The following DENND5B variants were observed in gnomAD, a reference collection of about 807,000 sequenced individuals.
DENND5B encodes the protein DENN domain-containing protein 5B.
DENND5B carries 34 observed loss-of-function variants against 140.6 expected under a neutral mutation model. The observed-to-expected ratio is 0.24, with a 90% CI of 0.18 to 0.32. The LOEUF is 0.32. Among genes scored for constraint, DENND5B ranks in the 10% least tolerant of loss-of-function variants. DENND5B has a pLI of 1.00. For synonymous variants in DENND5B, 551 were observed against 562.1 expected, an observed-to-expected ratio of 0.98 and a Z score of 0.28; for missense variants, 1,142 against 1,560.2, an observed-to-expected ratio of 0.73 and a Z score of 4.52.
intron 9 of DENND5B, 58 bp downstream of exon 9, chr12:31,426,234 GC>G (rs1223728987): frequency 8.5e-6 from 13 of 1,526,540 alleles, no homozygotes; most frequent in Non-Finnish European, 9.7e-6. Flanking sequence ...GTTCATCTTA[GC>G]CTCACACATG....
chr12:31,388,226 CTT>C (rs35891849), intron 20 of DENND5B, among the ~76,000 whole-genome samples: 20,293 of 91,518 alleles, frequency 0.22, 1,845 homozygotes, highest in Non-Finnish European at 0.26. Flanking sequence ...TAGGGACTTG[CTT>C]TTTTTTTTTT....
chr12:31,476,673 G>A (rs78636116), intron 3 of DENND5B, among the ~76,000 whole-genome samples: 3,118 of 152,166 alleles, frequency 0.02, 57 homozygotes, highest in South Asian at 0.052. Context: ...TCAACTACTC[G>A]GGACGCTGAG....
chr12:31,502,311 TCAAAAA>T (rs138847056), intron 1 of DENND5B, among the ~76,000 whole-genome samples: 20,268 of 151,718 alleles, frequency 0.13, 1,576 homozygotes, highest in Non-Finnish European at 0.18. Context: ...CAAAGCTGTC[TCAAAAA>T]CAAAAACAAA....
chr12:31,560,084 G>A (rs1200819670), intron 1 of DENND5B, among the ~76,000 whole-genome samples: 1 of 152,108 alleles, frequency 6.6e-6, no homozygotes, highest in East Asian at 1.9e-4. Flanking sequence ...TAAACTCAAG[G>A]ATTTAAATAT....
chr12:31,413,864 A>G (rs188404547), intron 12 of DENND5B, among the ~76,000 whole-genome samples: 1 of 152,320 alleles, frequency 6.6e-6, no homozygotes, highest in Admixed American at 6.5e-5. Context: ...ATATCTGTAA[A>G]TAAGAATTTG....
intron 8 of DENND5B, chr12:31,432,038 CA>C: frequency 1.0e-6 from 1 of 984,382 alleles, no homozygotes; most frequent in Non-Finnish European, 1.2e-6. Flanking sequence ...AAGCAAAGAA[CA>C]TACCAGGCAG....
Position 31,479,768 on chromosome 12 carries a change from C to T in DENND5B, c.725G>A (p.Gly242Glu). The change falls in exon 3 of 21, where the codon GGG (glycine) becomes GAG (glutamate). Residue 242 changes from glycine (G) to glutamate (E), a missense_variant. Around this residue, in one of 5 missense-constraint regions of DENND5B, gnomAD observed 708 missense variants for 905.5 expected, o/e 0.78. Transcript: ENST00000389082. ...ILYEVPLPPP[G>E]RSLKFYGVYE... ...AACACCATAAAATTTCAGTGACCTCCCTGGAGGTGGAAGGGGTACTTCATA... is the reference window on the plus strand; with the variant it reads ...AACACCATAAAATTTCAGTGACCTCTCTGGAGGTGGAAGGGGTACTTCATA... 6.2e-7 allele frequency: 1 copy of T among 1,608,392 alleles called. No individual in the cohort carries two copies. Among genetic ancestry groups the T allele is most frequent in the Non-Finnish European group, 8.5e-7 (1 of 1,177,350 alleles).
At chr12:31,443,948 A>G (rs974287787) in intron 6 of DENND5B, 4 of 152,250 alleles carry the variant, frequency 2.6e-5, no homozygotes, top group Non-Finnish European at 5.9e-5. Flanking sequence ...TTTCTATTTT[A>G]AAACCACTAA....
chr12:31,481,530 A>G (rs1045714722), intron 2 of DENND5B, among the ~76,000 whole-genome samples: 3 of 152,244 alleles, frequency 2.0e-5, no homozygotes, highest in Non-Finnish European at 4.4e-5. Flanking sequence ...AGGAGCTACC[A>G]GGAAAAAATG....
At chr12:31,532,847 T>C (rs1208111425) in intron 1 of DENND5B, among the ~76,000 whole-genome samples, 1 of 152,242 alleles carries the variant, frequency 6.6e-6, no homozygotes. Context: ...TTGATGATTA[T>C]TTCACTGGCT....
chr12:31,398,501 T>G, intron 16 of DENND5B, 139 bp from the exon 17 acceptor site: 1 of 734,520 alleles, frequency 1.4e-6, no homozygotes, highest in Non-Finnish European at 2.1e-6. Flanking sequence ...GAGGTCTCAT[T>G]ACATTGCCCA....
Position 31,480,092 on chromosome 12 carries a change from G to A in DENND5B, c.401C>T (p.Thr134Ile), listed in dbSNP as rs907667649. ...CTCAGCGTTGTGCATCTGGTAAAGT[G>A]TCTGCATTGCTGTGCAGATTTGCTT... ...TSKQICTAMQ[T>I]LYQMHNAEHY... Residue 134 changes from threonine (T) to isoleucine (I), a missense_variant, in exon 3 of 21, where the codon ACA (threonine) becomes ATA (isoleucine). This residue lies in a region of DENND5B where 708 missense variants were observed against 905.5 expected (regional missense o/e 0.78). Transcript: ENST00000389082. 6.2e-6 allele frequency: 10 copies of A among 1,613,816 alleles called. No individual in the cohort carries two copies. The highest frequency in any genetic ancestry group is 2.7e-5 in the African/African-American group (2 of 74,936).
At chr12:31,396,055 TG>T (rs1941445131) in intron 17 of DENND5B, among the ~76,000 whole-genome samples, 2 of 110,610 alleles carry the variant, frequency 1.8e-5, no homozygotes, top group African/African-American at 6.6e-5. Context: ...TGGCATTCCT[TG>T]TTTTTTTTTT....
At chr12:31,484,349 T>C (rs1427119135) in intron 2 of DENND5B, among the ~76,000 whole-genome samples, 6 of 152,056 alleles carry the variant, frequency 3.9e-5, no homozygotes, top group South Asian at 2.1e-4. Context: ...CAATGATCAA[T>C]TGAGAGTAAT....
intron 7 of DENND5B, among the ~76,000 whole-genome samples, chr12:31,434,990 G>A (rs1301296499): frequency 2.0e-5 from 3 of 151,922 alleles, no homozygotes; most frequent in African/African-American, 7.3e-5. Flanking sequence ...GTGCTTTCTC[G>A]TCTTTCTGTT....
chr12:31,387,522 C>T lies in DENND5B; in HGVS notation c.*81G>A. 6.8e-7 allele frequency: 1 copy of T among 1,472,546 alleles called. No individual in the cohort carries two copies. The highest frequency in any genetic ancestry group is 1.4e-5 in the African/African-American group (1 of 72,316). The allele number at this position is 1,472,546 out of a possible 1,614,324, so 91.2% of individuals were successfully genotyped here. On this transcript the variant is annotated 3_prime_UTR_variant, in exon 21 of 21. Coordinates refer to ENST00000389082, the MANE Select transcript of DENND5B (RefSeq NM_144973.4). ...ATGTTTGGCTGCCCCTGCAGTGACTCACTACTGTCAGACAAGTCCAAATCG... is the reference window on the plus strand; with the variant it reads ...ATGTTTGGCTGCCCCTGCAGTGACTTACTACTGTCAGACAAGTCCAAATCG...
In DENND5B at chr12:31,447,664, A is replaced by G; in HGVS notation, c.1735T>C (p.Trp579Arg). The G allele has an allele frequency of 6.2e-7, 1 of 1,613,660 alleles. No homozygotes were observed. The highest frequency in any genetic ancestry group is 8.5e-7 in the Non-Finnish European group (1 of 1,179,754). The change falls in exon 6 of 21, where the codon TGG (tryptophan) becomes CGG (arginine). Residue 579 changes from tryptophan (W) to arginine (R), a missense_variant. Around this residue, in one of 5 missense-constraint regions of DENND5B, gnomAD observed 708 missense variants for 905.5 expected, o/e 0.78. Transcript: ENST00000389082. Reference sequence around the variant, plus strand: ...CGAAGCAAAGGATCTTTCTCTTCCCACTGAGACATAATTTTATTATCAATA... The same window carrying G: ...CGAAGCAAAGGATCTTTCTCTTCCCGCTGAGACATAATTTTATTATCAATA... The part of the protein sequence containing the change: ...TFIDNKIMSQ[W>R]EEKDPLLRVF...
chr12:31,501,773 C>CA (rs10645598), intron 1 of DENND5B, among the ~76,000 whole-genome samples: 20,408 of 118,984 alleles, frequency 0.17, 1,893 homozygotes, highest in East Asian at 0.27. Flanking sequence ...AACTCCATCT[C>CA]AAAAAAAAAA....
intron 3 of DENND5B, among the ~76,000 whole-genome samples, chr12:31,470,930 T>C (rs1047368002): frequency 6.6e-6 from 1 of 152,150 alleles, no homozygotes; most frequent in Non-Finnish European, 1.5e-5. Flanking sequence ...CTGAGACCAT[T>C]TACTGAAGGT....
Sources: allele counts gnomAD v4.1 joint callset (sites outside exome capture counted in the v4.1 genomes callset), GRCh38; gene constraint gnomAD v4.1.1; regional missense constraint gnomAD v4.1.1; transcripts MANE v1.5; gene names NCBI Gene and HGNC (gene_info 2026-07-23, HGNC 2026-07-21).